GLIS3: variants seen among roughly 807,000 people sequenced by gnomAD.
GLIS3 encodes the protein GLIS family zinc finger 3.
In GLIS3, 53 loss-of-function variants were observed where a neutral mutation model predicts 78.6. The ratio of observed to expected loss-of-function variants is 0.67; its 90% CI spans 0.54 to 0.85. The LOEUF is 0.85. Ranked by LOEUF, GLIS3 falls within the 40% of genes least tolerant of loss-of-function variation. The probability of loss-of-function intolerance (pLI) is 0.00; values close to 1 mark genes in which losing one functional copy is unlikely to be tolerated. For missense variants in GLIS3, 1,703 were observed against 1,231.1 expected, an observed-to-expected ratio of 1.38 and a Z score of -5.74; for synonymous variants, 684 against 509.9, an observed-to-expected ratio of 1.34 and a Z score of -4.60.
intron 4 of GLIS3, among the ~76,000 whole-genome samples, chr9:4,052,924 T>A (rs139235757): frequency 4.2e-4 from 64 of 152,266 alleles, no homozygotes; most frequent in African/African-American, 1.5e-3. Flanking sequence ...AGTTACGCCA[T>A]TTTTCATTCA....
At position 4,199,526 on chromosome 9, in the gene GLIS3, CTT is replaced by C. The variant is rs142302677; in HGVS notation, c.389-73587_389-73586del. 8.0e-3 allele frequency among the ~76,000 whole-genome samples: 1,191 copies of C among 149,120 alleles called. 7 individuals carry two copies. The highest frequency in any genetic ancestry group is 0.013 in the Non-Finnish European group (870 of 67,502). On this transcript the variant is annotated intron_variant, in intron 2 of 10. Transcript: ENST00000381971. ...TATAACTTATATCATATAAAACAGA[CTT>C]TTCCAACAAGAGCAAAACAGGACCA...
At chr9:4,281,085 T>C (rs1827503396) in intron 2 of GLIS3, among the ~76,000 whole-genome samples, 1 of 152,188 alleles carries the variant, frequency 6.6e-6, no homozygotes, top group African/African-American at 2.4e-5. Flanking sequence ...TATTAGTCGT[T>C]TGAAAAAATA....
At chr9:4,088,980 T>C (rs1250836393) in intron 4 of GLIS3, among the ~76,000 whole-genome samples, 2 of 152,242 alleles carry the variant, frequency 1.3e-5, no homozygotes, top group African/African-American at 4.8e-5. Context: ...AATGACTTAA[T>C]TTTGACAGAA....
At chr9:4,071,953 T>TA (rs1827647495) in intron 4 of GLIS3, 1 of 152,202 alleles carries the variant, frequency 6.6e-6, no homozygotes, top group Non-Finnish European at 1.5e-5. Context: ...AGGCAACAGG[T>TA]AACACTGACC....
At chr9:4,171,234 AC>A (rs1200391375) in intron 2 of GLIS3, among the ~76,000 whole-genome samples, 1 of 152,192 alleles carries the variant, frequency 6.6e-6, no homozygotes, top group African/African-American at 2.4e-5. Context: ...CTTCACCATA[AC>A]AGTATAAAGA....
At chr9:4,424,149 C>CT in the GLIS3 span, among the ~76,000 whole-genome samples, 2 of 152,120 alleles carry the variant, frequency 1.3e-5, no homozygotes, top group African/African-American at 4.8e-5. Flanking sequence ...AAAAGTTTTT[C>CT]TTTTTTAAGT....
At chr9:4,391,796 T>G in the GLIS3 span, among the ~76,000 whole-genome samples, 9 of 152,318 alleles carry the variant, frequency 5.9e-5, no homozygotes, top group East Asian at 7.7e-4. Flanking sequence ...TACATATTTT[T>G]GGGGAGGAAT....
the GLIS3 span, among the ~76,000 whole-genome samples, chr9:4,421,594 C>T: frequency 6.6e-6 from 1 of 152,174 alleles, no homozygotes; most frequent in Non-Finnish European, 1.5e-5. Flanking sequence ...GGACCTCACC[C>T]AAGATACAGT....
chr9:4,087,633 C>T (rs550115521), intron 4 of GLIS3, among the ~76,000 whole-genome samples: 21 of 152,192 alleles, frequency 1.4e-4, no homozygotes, highest in Non-Finnish European at 2.4e-4. Context: ...TTAACACCCA[C>T]ATGAAAAGTT....
intron 2 of GLIS3, among the ~76,000 whole-genome samples, chr9:4,165,883 A>G (rs187311962): frequency 1.6e-4 from 25 of 152,314 alleles, no homozygotes; most frequent in Admixed American, 1.2e-3. Context: ...GGGAATCTCC[A>G]ATGTTTGGGG....
the GLIS3 span, among the ~76,000 whole-genome samples, chr9:4,371,885 C>T: frequency 7.1e-3 from 1,087 of 152,272 alleles, 17 homozygotes; most frequent in African/African-American, 0.024. Context: ...ACACAATAAA[C>T]GCATCCAGAA....
intron 9 of GLIS3, among the ~76,000 whole-genome samples, chr9:3,832,696 T>C (rs1461599028): frequency 1.3e-5 from 2 of 152,200 alleles, no homozygotes; most frequent in East Asian, 1.9e-4. Context: ...ACCGCCATGG[T>C]TGGTCTACTA....
intron 2 of GLIS3, among the ~76,000 whole-genome samples, chr9:4,199,149 C>G (rs1466994779): frequency 6.6e-6 from 1 of 152,112 alleles, no homozygotes; most frequent in East Asian, 1.9e-4. Context: ...AAAGCAATCA[C>G]CCAATAGAAA....
At chr9:4,229,659 C>T (rs1051556711) in intron 2 of GLIS3, among the ~76,000 whole-genome samples, 3 of 152,090 alleles carry the variant, frequency 2.0e-5, no homozygotes, top group African/African-American at 2.4e-5. Flanking sequence ...TTTTAAAGAG[C>T]TTTGATATAA....
the GLIS3 span, among the ~76,000 whole-genome samples, chr9:4,441,576 T>C: frequency 1.3e-5 from 2 of 152,270 alleles, no homozygotes; most frequent in East Asian, 3.9e-4. Flanking sequence ...TGTGTCTAAG[T>C]TCATCAGGGA....
intron 4 of GLIS3, among the ~76,000 whole-genome samples, chr9:3,960,108 G>C (rs1247412440): frequency 6.6e-6 from 1 of 152,208 alleles, no homozygotes; most frequent in African/African-American, 2.4e-5. Flanking sequence ...CTGCACTCTA[G>C]CCTGGGCAAC....
chr9:4,157,950 T>C (rs763225754), intron 2 of GLIS3, among the ~76,000 whole-genome samples: 2 of 152,238 alleles, frequency 1.3e-5, no homozygotes, highest in African/African-American at 4.8e-5. Flanking sequence ...TGATTGTCTC[T>C]TCAACTGATA....
At chr9:4,203,854 G>T (rs10974392) in intron 2 of GLIS3, among the ~76,000 whole-genome samples, 1 of 152,166 alleles carries the variant, frequency 6.6e-6, no homozygotes, top group Admixed American at 6.5e-5. Context: ...ATTAACACAA[G>T]AACAGGAAGC....
intron 2 of GLIS3, among the ~76,000 whole-genome samples, chr9:4,336,474 C>T (rs1275278063): frequency 6.7e-6 from 1 of 149,688 alleles, no homozygotes; most frequent in South Asian, 2.2e-4. Flanking sequence ...GGTGCCAGAC[C>T]CTGAGGGCAC....
Sources: allele counts gnomAD v4.1 joint callset (sites outside exome capture counted in the v4.1 genomes callset), GRCh38; gene constraint gnomAD v4.1.1; transcripts MANE v1.5; gene names NCBI Gene and HGNC (gene_info 2026-07-23, HGNC 2026-07-21).